MAGI3: variants seen among roughly 807,000 people sequenced by gnomAD.
MAGI3 encodes the protein membrane-associated guanylate kinase, WW and PDZ domain-containing protein 3.
Under a neutral mutation model 121.8 loss-of-function variants are expected in MAGI3, and 43 were observed. The ratio of observed to expected loss-of-function variants is 0.35; its 90% confidence interval spans 0.28 to 0.46. The LOEUF (loss-of-function observed/expected upper bound fraction) is 0.46, where lower values mean the gene tolerates loss of function less well. MAGI3 is among the 20% of genes least tolerant of loss of function. The pLI is 1.00. For synonymous variants in MAGI3, 553 were observed against 639.3 expected (o/e 0.86, Z 2.04); for missense variants, 1,547 against 1,797.3 (o/e 0.86, Z 2.52).
rs564296484 is a variant in MAGI3 at position 113,432,911 on chromosome 1, G to A, written c.316+41562G>A. On this transcript the variant is annotated intron_variant, in intron 1 of 20. Coordinates refer to ENST00000307546, the MANE Select transcript of MAGI3 (RefSeq NM_001142782.2). ...CTTTTAAAATTCTTCTGCCAAGCAC[G>A]GTGCCTCATGCCTGTAATCCTAGCA... Among the ~76,000 whole-genome samples the A allele has an allele frequency of 1.5e-4, 23 of 152,062 alleles. 1 individual carries two copies. In the South Asian group the frequency reaches 4.8e-3, roughly 32 times the overall value.
chr1:113,662,191 G>T (rs1333358425), intron 16 of MAGI3, among the ~76,000 whole-genome samples: 1 of 152,032 alleles, frequency 6.6e-6, no homozygotes, highest in East Asian at 1.9e-4. Context: ...AACAACTCTT[G>T]GTCCCTCCAT....
intron 2 of MAGI3, among the ~76,000 whole-genome samples, chr1:113,552,877 A>T (rs943826791): frequency 6.6e-6 from 1 of 152,230 alleles, no homozygotes; most frequent in Non-Finnish European, 1.5e-5. Flanking sequence ...TTTCCTAAAA[A>T]GTTTGAGGTC....
chr1:113,671,628 T>A (rs1647556277), intron 16 of MAGI3, 106 bp from the exon 17 acceptor site: 1 of 983,718 alleles, frequency 1.0e-6, no homozygotes, highest in Admixed American at 2.2e-5. Flanking sequence ...GCCACTAAAG[T>A]CAGTACAGCA....
chr1:113,681,329 T>C lies in MAGI3; in HGVS notation c.3321T>C (p.Pro1107=). 1.2e-6 allele frequency: 2 copies of C among 1,613,302 alleles called. No individual in the cohort carries two copies. Among genetic ancestry groups the C allele is most frequent in the Non-Finnish European group, 1.7e-6 (2 of 1,179,788 alleles). The change falls in exon 20 of 21, where the codon CCT becomes CCC. Residue 1107 remains proline, a synonymous_variant. Coordinates refer to ENST00000307546, the MANE Select transcript of MAGI3 (RefSeq NM_001142782.2). The part of the protein sequence containing the change: ...LLLRPGTGLI[P]DHGDWDINNP... ...TGAGGCCAGGAACTGGCTTGATACC[T>C]GACCATGGTAAGTAAAGTAGCCCAC...
intron 6 of MAGI3, among the ~76,000 whole-genome samples, chr1:113,606,073 C>A (rs1649756557): frequency 6.6e-6 from 1 of 152,118 alleles, no homozygotes; most frequent in South Asian, 2.1e-4. Flanking sequence ...CCAAGTGATT[C>A]TCGTGCCTCA....
At chr1:113,445,645 A>G (rs1030316069) in intron 1 of MAGI3, among the ~76,000 whole-genome samples, 1 of 152,182 alleles carries the variant, frequency 6.6e-6, no homozygotes, top group Non-Finnish European at 1.5e-5. Flanking sequence ...TCTTGAAAGC[A>G]GTGAGAGAAG....
chr1:113,468,770 A>G (rs1655410665), intron 1 of MAGI3, among the ~76,000 whole-genome samples: 1 of 152,132 alleles, frequency 6.6e-6, no homozygotes, highest in Non-Finnish European at 1.5e-5. Context: ...AATTTCACCT[A>G]TTTTATTTTA....
intron 7 of MAGI3, among the ~76,000 whole-genome samples, 183 bp downstream of exon 7, chr1:113,614,841 G>T (rs1189402578): frequency 6.6e-6 from 1 of 152,098 alleles, no homozygotes; most frequent in Non-Finnish European, 1.5e-5. Flanking sequence ...CTGGAAGTTG[G>T]CTTTGAATTT....
rs748297296 is a variant in MAGI3 at position 113,594,551 on chromosome 1, G to A, written c.1009G>A (p.Glu337Lys). ...GAAAGCCAAAGCCCCTGAAGACTGT[G>A]AAGATGGAGGTAGAGATTCAGAAAC... is the stretch of plus-strand genomic sequence containing the variant. Reference protein sequence around the residue: ...CKKAKAPEDCEDGELPYGWEK... With the variant: ...CKKAKAPEDCKDGELPYGWEK... The change falls in exon 6 of 21, where the codon GAA (glutamate) becomes AAA (lysine). Residue 337 changes from glutamate to lysine, a missense_variant. By Grantham distance (56) the Glu-to-Lys change is moderately conservative. Coordinates refer to ENST00000307546, the MANE Select transcript of MAGI3 (RefSeq NM_001142782.2). 2 of 1,611,562 alleles carry A rather than the reference G, an allele frequency of 1.2e-6. No individual in the cohort carries two copies. Among genetic ancestry groups the A allele is most frequent in the Admixed American group, 1.7e-5 (1 of 59,748 alleles).
chr1:113,604,565 C>CAAAAAAAAAAAAAAAA (rs59047770), intron 6 of MAGI3, among the ~76,000 whole-genome samples: 4 of 62,008 alleles, frequency 6.5e-5, no homozygotes, highest in Non-Finnish European at 7.9e-5. Flanking sequence ...GTCTCCATCT[C>CAAAAAAAAAAAAAAAA]AAAAAAAAAA....
intron 1 of MAGI3, chr1:113,450,693 C>G (rs1369461766): frequency 8.8e-7 from 1 of 1,131,450 alleles, no homozygotes; most frequent in African/African-American, 1.5e-5. Flanking sequence ...GGTTATGGAT[C>G]TGGTGGTGGA....
intron 6 of MAGI3, among the ~76,000 whole-genome samples, chr1:113,607,642 T>C (rs1473193617): frequency 1.3e-5 from 2 of 152,184 alleles, no homozygotes; most frequent in Non-Finnish European, 2.9e-5. Flanking sequence ...AAAACATCTA[T>C]TTTTGTATAT....
In MAGI3 at chr1:113,594,560, G is replaced by C; in HGVS notation, c.1018G>C (p.Glu340Gln). ...AGCCCCTGAAGACTGTGAAGATGGAGGTAGAGATTCAGAAACTTACTCTAT... is the reference window on the plus strand; with the variant it reads ...AGCCCCTGAAGACTGTGAAGATGGACGTAGAGATTCAGAAACTTACTCTAT... Reference protein sequence around the residue: ...AKAPEDCEDGELPYGWEKIED... With the variant: ...AKAPEDCEDGQLPYGWEKIED... The change falls in exon 6 of 21, where the codon GAG becomes CAG. Residue 340 changes from glutamate to glutamine, a missense_variant and splice_region_variant. By Grantham distance (29) the Glu-to-Gln change is conservative. Coordinates refer to ENST00000307546, the MANE Select transcript of MAGI3 (RefSeq NM_001142782.2). The C allele has an allele frequency of 1.2e-6, 2 of 1,608,990 alleles. No individual in the cohort carries two copies. Among genetic ancestry groups the C allele is most frequent in the Non-Finnish European group, 1.7e-6 (2 of 1,177,030 alleles).
intron 2 of MAGI3, among the ~76,000 whole-genome samples, chr1:113,576,061 A>G (rs910660554): frequency 6.6e-6 from 1 of 152,146 alleles, no homozygotes; most frequent in African/African-American, 2.4e-5. Context: ...CGATCATCCC[A>G]GGTGGACTTC....
intron 1 of MAGI3, among the ~76,000 whole-genome samples, chr1:113,532,643 C>T (rs1404164228): frequency 2.6e-5 from 4 of 152,068 alleles, no homozygotes; most frequent in South Asian, 4.2e-4. Flanking sequence ...CTTTTAAATA[C>T]GATAGTATTC....
chr1:113,620,324 T>A (rs1177386256), intron 8 of MAGI3, among the ~76,000 whole-genome samples: 4 of 152,156 alleles, frequency 2.6e-5, no homozygotes, highest in Non-Finnish European at 4.4e-5. Flanking sequence ...AGCATTTTTT[T>A]AAAAATATAG....
chr1:113,513,707 C>T (rs373433271), intron 1 of MAGI3, among the ~76,000 whole-genome samples: 1 of 151,762 alleles, frequency 6.6e-6, no homozygotes, highest in African/African-American at 2.4e-5. Flanking sequence ...CATTCAGGAC[C>T]TAGGCATGGG....
chr1:113,464,933 T>C (rs1655203933), intron 1 of MAGI3, among the ~76,000 whole-genome samples: 1 of 152,170 alleles, frequency 6.6e-6, no homozygotes, highest in South Asian at 2.1e-4. Context: ...AAAGATTTTC[T>C]CTCATTCTGT....
At position 113,637,993 on chromosome 1, in the gene MAGI3, C is replaced by T. The variant is rs185584377; in HGVS notation, c.1361-3918C>T. Reference sequence around the variant, plus strand: ...ATTTCATTCATTTCATCTTCCATCACTGATACCCTTTCTTTCAGTTGATCG... The same window carrying T: ...ATTTCATTCATTTCATCTTCCATCATTGATACCCTTTCTTTCAGTTGATCG... On this transcript the variant is annotated intron_variant, in intron 9 of 20. Transcript: ENST00000307546. Among the ~76,000 whole-genome samples the T allele has an allele frequency of 1.9e-3, 285 of 152,336 alleles. 1 individual carries two copies. Among genetic ancestry groups the T allele is most frequent in the Middle Eastern group, 6.8e-3 (2 of 294 alleles).
Sources: gnomAD v4.1 joint callset for allele counts (sites outside exome capture counted in the v4.1 genomes callset) on GRCh38, gnomAD v4.1.1 for gene constraint, MANE v1.5 for transcripts, NCBI Gene and HGNC (gene_info 2026-07-23, HGNC 2026-07-21) for gene names.